Variants in MYH11 observed in about 807,000 individuals in gnomAD.
MYH11 encodes the protein myosin heavy chain 11, also known as myosin-11.
In MYH11, 80 loss-of-function variants were observed where a neutral mutation model predicts 246.6. That is an observed-to-expected ratio of 0.32 (90% CI 0.27 to 0.39). MYH11 has a LOEUF of 0.39. MYH11 is among the 10% of genes least tolerant of loss of function. The pLI is 1.00. For synonymous variants in MYH11, 1,071 were observed against 1,015.5 expected (o/e 1.05, Z -1.04); for missense variants, 2,158 against 2,546.8 (o/e 0.85, Z 3.29).
Position 15,721,593 on chromosome 16 carries a change from A to T in MYH11, c.4407T>A (p.Asp1469Glu), listed in dbSNP as rs901607947. 6.2e-7 allele frequency: 1 copy of T among 1,614,068 alleles called. No individual in the cohort carries two copies. Among genetic ancestry groups the T allele is most frequent in the Non-Finnish European group, 8.5e-7 (1 of 1,180,010 alleles). ...CTTCTGCCTCAGCTCTGTCCCTCTC[A>T]TCCGCGTATTTGGAAGAGATGTTTT... is the stretch of plus-strand genomic sequence containing the variant. ...EEKNISSKYA[D>E]ERDRAEAEAR... Residue 1469 changes from aspartate (D) to glutamate (E), a missense_variant, in exon 32 of 41, where the codon GAT becomes GAA. Physicochemically the swap from Asp to Glu is conservative, Grantham distance 45. This residue lies in a region of MYH11 where 1,013 missense variants were observed against 993.5 expected (regional missense o/e 1.02). Coordinates refer to ENST00000300036, the MANE Select transcript of MYH11 (RefSeq NM_002474.3).
At chr16:15,767,546 T>G (rs1308240218) in intron 9 of MYH11, among the ~76,000 whole-genome samples, 1 of 152,112 alleles carries the variant, frequency 6.6e-6, no homozygotes, top group Non-Finnish European at 1.5e-5. Flanking sequence ...GGTCTCGAAC[T>G]CCTGGGCTCA....
chr16:15,766,367 GTGTGTGT>G (rs2041982350), intron 9 of MYH11, among the ~76,000 whole-genome samples: 1 of 144,036 alleles, frequency 6.9e-6, no homozygotes, highest in East Asian at 2.0e-4. Context: ...GTGTGTGTGT[GTGTGTGT>G]GTGTGTGTGT....
At chr16:15,809,308 G>T (rs1256834365) in intron 3 of MYH11, among the ~76,000 whole-genome samples, 2 of 152,138 alleles carry the variant, frequency 1.3e-5, no homozygotes. Context: ...GAGGCGGGAG[G>T]ATTGCTTGAG....
intron 40 of MYH11, among the ~76,000 whole-genome samples, chr16:15,708,153 C>T (rs56365050): frequency 0.083 from 12,595 of 152,028 alleles, 1,322 homozygotes; most frequent in African/African-American, 0.25. Flanking sequence ...GCTTCCACCC[C>T]GTGTGCTGAA....
chr16:15,725,377 T>C (rs1363129308), intron 28 of MYH11: 1 of 540,006 alleles, frequency 1.9e-6, no homozygotes, highest in Non-Finnish European at 3.2e-6. Context: ...GTCCACTCTC[T>C]AAGGCTGGAG....
At chr16:15,769,209 A>G (rs2384936) in intron 9 of MYH11, among the ~76,000 whole-genome samples, 114,467 of 151,676 alleles carry the variant, frequency 0.75, 43,701 homozygotes, top group East Asian at 0.97. Context: ...CCAGCTACCC[A>G]GGAGGCTCAG....
intron 26 of MYH11, among the ~76,000 whole-genome samples, chr16:15,733,699 C>T (rs143726186): frequency 6.2e-4 from 94 of 152,064 alleles, no homozygotes; most frequent in African/African-American, 1.3e-3. Context: ...CCCACCACCA[C>T]GCCCGGCTAA....
At chr16:15,704,273 G>T in intron 40 of MYH11, 150 bp from the exon 41 acceptor site, 1 of 844,534 alleles carries the variant, frequency 1.2e-6, no homozygotes, top group Non-Finnish European at 1.8e-6. Flanking sequence ...CAAATAAGAT[G>T]CAGATATTCA....
chr16:15,714,725 C>T, intron 40 of MYH11, 184 bp downstream of exon 40: 2 of 753,872 alleles, frequency 2.7e-6, no homozygotes, highest in Non-Finnish European at 4.4e-6. Context: ...CAAGGCAGGG[C>T]CCGGGTCTGA....
At chr16:15,749,309 T>G (rs571884189) in intron 16 of MYH11, 13 of 152,242 alleles carry the variant, frequency 8.5e-5, no homozygotes, top group Admixed American at 8.5e-4. Context: ...GCAACACGCC[T>G]GGACACTATC....
intron 6 of MYH11, among the ~76,000 whole-genome samples, chr16:15,781,330 T>C (rs544152849): frequency 5.9e-5 from 9 of 152,328 alleles, no homozygotes; most frequent in African/African-American, 1.9e-4. Context: ...GATTCTAATT[T>C]CGGGCGAGGA....
At chr16:15,820,062 G>T (rs928455228) in intron 3 of MYH11, among the ~76,000 whole-genome samples, 4 of 152,226 alleles carry the variant, frequency 2.6e-5, no homozygotes, top group Admixed American at 6.5e-5. Flanking sequence ...AGATTCAGGG[G>T]CCAAGTGTGG....
chr16:15,791,875 A>G (rs2042618636), intron 4 of MYH11: 1 of 151,814 alleles, frequency 6.6e-6, no homozygotes, highest in Non-Finnish European at 1.5e-5. Flanking sequence ...GGGTCTCGCT[A>G]TGTTGCTCAA....
At chr16:15,836,820 G>A (rs941846288) in intron 2 of MYH11, among the ~76,000 whole-genome samples, 38 of 150,614 alleles carry the variant, frequency 2.5e-4, no homozygotes, top group African/African-American at 9.3e-4. Context: ...TGCCTCCCGG[G>A]TTCAAGCAAT....
chr16:15,725,356 T>G (rs1306012200), intron 28 of MYH11: 2 of 556,994 alleles, frequency 3.6e-6, no homozygotes, highest in Non-Finnish European at 6.3e-6. Context: ...CCAGACGAGG[T>G]GCTCTGGCTG....
chr16:15,769,181 T>C (rs1345817232), intron 9 of MYH11, among the ~76,000 whole-genome samples: 1 of 151,950 alleles, frequency 6.6e-6, no homozygotes, highest in African/African-American at 2.4e-5. Context: ...TGGGGCATGG[T>C]GGTGGGCGCC....
In MYH11 at chr16:15,719,612, C is replaced by G. The variant is rs754570649; in HGVS notation, c.5055G>C (p.Leu1685Phe). ...CTTGTAGCTGCATGAGGTCTGCTTC[C>G]AAGCTCTTGGCTTTCTTCTCATTCT... ...AKENEKKAKS[L>F]EADLMQLQED... Residue 1685 changes from leucine (L) to phenylalanine (F), a missense_variant, in exon 35 of 41, where the codon TTG (leucine) becomes TTC (phenylalanine). Around this residue, in one of 11 missense-constraint regions of MYH11, gnomAD observed 1,013 missense variants for 993.5 expected, o/e 1.02. Coordinates refer to ENST00000300036, the MANE Select transcript of MYH11 (RefSeq NM_002474.3). 12 of 1,614,090 alleles carry G rather than the reference C, an allele frequency of 7.4e-6. No homozygotes were observed. The highest frequency in any genetic ancestry group is 9.3e-6 in the Non-Finnish European group (11 of 1,180,060).
rs190815944 is a variant in MYH11, at chr16:15,750,648, G to A, written c.1865-317C>T. ...CAGTCTCCCTTTCTACAAAAGGGAGGTAATAATACCGTCTACCTTCTAGGG... is the reference window on the plus strand; with the variant it reads ...CAGTCTCCCTTTCTACAAAAGGGAGATAATAATACCGTCTACCTTCTAGGG... On this transcript the variant is annotated intron_variant, in intron 15 of 40. Transcript: ENST00000300036. This position sits in a 1 kb window ranked among gnomAD's most constrained non-coding sequence, Gnocchi z 4.3. Among the ~76,000 whole-genome samples, 1 of 152,102 alleles carries A rather than the reference G, an allele frequency of 6.6e-6. No individual in the cohort carries two copies. The highest frequency in any genetic ancestry group is 1.5e-5 in the Non-Finnish European group (1 of 68,028).
At chr16:15,810,103 G>A (rs984828620) in intron 3 of MYH11, among the ~76,000 whole-genome samples, 2 of 151,426 alleles carry the variant, frequency 1.3e-5, no homozygotes, top group Non-Finnish European at 1.5e-5. Flanking sequence ...GGGCAATCTC[G>A]GCTCACTGCA....
Sources: allele counts gnomAD v4.1 joint callset (sites outside exome capture counted in the v4.1 genomes callset), GRCh38; gene constraint gnomAD v4.1.1; regional missense constraint gnomAD v4.1.1; non-coding constraint Gnocchi (gnomAD v3.1); transcripts MANE v1.5; gene names NCBI Gene and HGNC (gene_info 2026-07-23, HGNC 2026-07-21).